Variants in BLM observed in about 807,000 individuals in gnomAD.
BLM encodes recQ-like DNA helicase BLM.
A neutral mutation model predicts 135.3 loss-of-function variants in BLM; 95 were observed. That is an observed-to-expected ratio of 0.70 (90% CI 0.59 to 0.83). The LOEUF is 0.83. BLM is among the 40% of genes least tolerant of loss of function. The probability of loss-of-function intolerance (pLI) is 0.00; values close to 1 mark genes in which losing one functional copy is unlikely to be tolerated. For missense variants in BLM, 1,518 were observed against 1,663.9 expected, an observed-to-expected ratio of 0.91 and a Z score of 1.53; for synonymous variants, 520 against 589.2, an observed-to-expected ratio of 0.88 and a Z score of 1.70.
chr15:90,798,410 A>C (rs1596263516), intron 17 of BLM, 73 bp downstream of exon 17: 2 of 1,492,582 alleles, frequency 1.3e-6, no homozygotes, highest in Non-Finnish European at 1.8e-6. Flanking sequence ...TTACAAGTAC[A>C]TAGAAAAACT....
At chr15:90,724,437 G>GT (rs574334127) in intron 1 of BLM, among the ~76,000 whole-genome samples, 5 of 152,048 alleles carry the variant, frequency 3.3e-5, no homozygotes, top group African/African-American at 9.6e-5. Flanking sequence ...AATGTGTGGT[G>GT]TTTTTTTTCC....
intron 12 of BLM, among the ~76,000 whole-genome samples, chr15:90,771,379 C>T (rs1896311166): frequency 6.6e-6 from 1 of 152,148 alleles, no homozygotes; most frequent in Non-Finnish European, 1.5e-5. Context: ...CGCTGCTACT[C>T]AGGAGGCTGA....
At chr15:90,774,991 T>G (rs1896435569) in intron 12 of BLM, among the ~76,000 whole-genome samples, 2 of 152,162 alleles carry the variant, frequency 1.3e-5, no homozygotes, top group African/African-American at 4.8e-5. Context: ...ACCTGGGAAG[T>G]GGCTTGATCT....
chr15:90,740,708 G>A (rs975213935), intron 1 of BLM, among the ~76,000 whole-genome samples: 5 of 152,164 alleles, frequency 3.3e-5, no homozygotes, highest in Non-Finnish European at 7.3e-5. Context: ...GAGGGACCTC[G>A]TGGGAGGTAA....
chr15:90,789,922 G>GT (rs1335795577), intron 14 of BLM, among the ~76,000 whole-genome samples: 1 of 147,182 alleles, frequency 6.8e-6, no homozygotes, highest in Non-Finnish European at 1.5e-5. Flanking sequence ...TCAAGCTCCT[G>GT]AGAGTGAACT....
Position 90,761,065 on chromosome 15 carries a change from T to G in BLM, c.1692T>G (p.Asp564Glu). The change falls in exon 7 of 22, where the codon GAT becomes GAG. Residue 564 changes from aspartate to glutamate, a missense_variant. Asp to Glu is a conservative substitution (Grantham distance 45). This residue lies in a region of BLM where 724 missense variants were observed against 756.9 expected (regional missense o/e 0.96). Transcript: ENST00000355112. The stretch of plus-strand genomic sequence containing the variant: ...TTGACATAGATGACTTTGATGATGA[T>G]GATGACTGGGAAGACATAATGCATA... ...DNFDIDDFDD[D>E]DDWEDIMHNL... is the part of the protein sequence containing the mutation. The G allele has an allele frequency of 6.3e-7, 1 of 1,583,098 alleles. No individual in the cohort carries two copies. Among genetic ancestry groups the G allele is most frequent in the Non-Finnish European group, 8.6e-7 (1 of 1,167,370 alleles).
chr15:90,726,699 T>G (rs1894927388), intron 1 of BLM, among the ~76,000 whole-genome samples: 1 of 152,252 alleles, frequency 6.6e-6, no homozygotes, highest in African/African-American at 2.4e-5. Flanking sequence ...TGTTTAACTT[T>G]CTGTTCTTTA....
Position 90,750,199 on chromosome 15 carries a change from A to G in BLM, c.799+132A>G. 3 of 1,007,218 alleles carry G rather than the reference A, an allele frequency of 3.0e-6. No individual in the cohort carries two copies. The South Asian group carries it at 4.3e-5, about 14-fold the overall frequency. The allele number at this position is 1,007,218 out of a possible 1,614,324, so 62.4% of individuals were successfully genotyped here. A position where few individuals can be genotyped will look rare whatever the true frequency, so the allele number is the denominator to read the frequency against. On this transcript the variant is annotated intron_variant, in intron 3 of 21. Transcript: ENST00000355112. Reference sequence around the variant, plus strand: ...TTAGGGTCTTTAGTGGTGCTTTTTGAATAATCTGTTGGCCACATTTTTGAG... The same window carrying G: ...TTAGGGTCTTTAGTGGTGCTTTTTGGATAATCTGTTGGCCACATTTTTGAG...
intron 6 of BLM, 84 bp from the exon 7 acceptor site, chr15:90,760,510 G>T: frequency 7.2e-7 from 1 of 1,390,366 alleles, no homozygotes; most frequent in Non-Finnish European, 9.9e-7. Flanking sequence ...ATTTCTATTT[G>T]GTATGAAAAC....
chr15:90,733,922 G>A (rs1895132358), intron 1 of BLM, among the ~76,000 whole-genome samples: 1 of 152,038 alleles, frequency 6.6e-6, no homozygotes, highest in African/African-American at 2.4e-5. Context: ...CTTTTACACA[G>A]CATAATTATT....
intron 17 of BLM, 21 bp from the exon 18 acceptor site, chr15:90,803,500 C>T (rs1192103720): frequency 8.7e-6 from 14 of 1,600,726 alleles, no homozygotes; most frequent in Non-Finnish European, 1.1e-5. Context: ...ACTCATCTTA[C>T]TTCCTGTATC....
intron 5 of BLM, among the ~76,000 whole-genome samples, chr15:90,758,729 T>C (rs534225826): frequency 6.6e-6 from 1 of 152,310 alleles, no homozygotes; most frequent in Non-Finnish European, 1.5e-5. Flanking sequence ...AATCTGTCTT[T>C]CTTTATAAGG....
chr15:90,761,127 A>G lies in BLM; in HGVS notation c.1754A>G (p.Gln585Arg), dbSNP rs752479366. 1 of 1,540,046 alleles carries G rather than the reference A, an allele frequency of 6.5e-7. No homozygotes were observed. The highest frequency in any genetic ancestry group is 2.3e-5 in the East Asian group (1 of 44,408). Residue 585 changes from glutamine (Q) to arginine (R), a missense_variant, in exon 7 of 22, where the codon CAA becomes CGA. Physicochemically the swap from Gln to Arg is conservative, Grantham distance 43 (BLOSUM62 1). Coordinates refer to ENST00000355112, the MANE Select transcript of BLM (RefSeq NM_000057.4). ...AASKSSTAAY[Q>R]PIKEGRPIKS... The stretch of plus-strand genomic sequence containing the variant: ...AGCAAATCTTCCACAGCTGCCTATC[A>G]ACCCATCAAGGAAGGTCGGCCAATT...
chr15:90,766,847 G>T, intron 9 of BLM, 63 bp from the exon 10 acceptor site: 1 of 1,058,970 alleles, frequency 9.4e-7, no homozygotes, highest in South Asian at 1.4e-5. Flanking sequence ...AAAACCTAAG[G>T]ACAAATGTAA....
intron 15 of BLM, 121 bp downstream of exon 15, chr15:90,790,965 G>A: frequency 1.0e-6 from 1 of 986,094 alleles, no homozygotes; most frequent in African/African-American, 1.6e-5. Flanking sequence ...AAATAGAGGA[G>A]TTTATACAGA....
Position 90,790,714 on chromosome 15 carries a change from T to C in BLM, c.2889T>C (p.His963=). ...AACCGGACGTGCGATTTGTGATTCA[T>C]GCATCTCTCCCTAAATCTGTGGAGG... is the stretch of plus-strand genomic sequence containing the variant. The part of the protein sequence containing the change: ...IDKPDVRFVI[H]ASLPKSVEGY... Residue 963 remains histidine, a synonymous_variant, in exon 15 of 22, where the codon CAT becomes CAC. Transcript: ENST00000355112. The C allele has an allele frequency of 1.2e-6, 2 of 1,614,178 alleles. No homozygotes were observed. The highest frequency in any genetic ancestry group is 1.7e-6 in the Non-Finnish European group (2 of 1,180,002).
chr15:90,787,753 C>T (rs111362737), intron 14 of BLM, among the ~76,000 whole-genome samples: 26,021 of 151,886 alleles, frequency 0.17, 2,292 homozygotes, highest in Non-Finnish European at 0.19. Context: ...AGTTTGAGAC[C>T]AGCCTGGCCA....
intron 1 of BLM, among the ~76,000 whole-genome samples, chr15:90,722,171 G>T (rs1466436653): frequency 6.6e-6 from 1 of 151,640 alleles, no homozygotes; most frequent in Non-Finnish European, 1.5e-5. Flanking sequence ...GTGCAGTGGC[G>T]CAATCTTGGC....
chr15:90,780,081 CTTTT>C (rs1164879678), intron 12 of BLM, among the ~76,000 whole-genome samples: 9 of 135,432 alleles, frequency 6.6e-5, no homozygotes, highest in Non-Finnish European at 3.2e-5. Flanking sequence ...AGCAGGATGT[CTTTT>C]TTTTTTTTTT....
Sources: allele counts gnomAD v4.1 joint callset (sites outside exome capture counted in the v4.1 genomes callset), GRCh38; gene constraint gnomAD v4.1.1; regional missense constraint gnomAD v4.1.1; transcripts MANE v1.5; gene names NCBI Gene and HGNC (gene_info 2026-07-23, HGNC 2026-07-21).